ARHGAP32: variants seen among roughly 807,000 people sequenced by gnomAD.
The protein encoded by ARHGAP32 is Rho GTPase activating protein 32, also known as rho GTPase-activating protein 32.
ARHGAP32 carries 51 observed loss-of-function variants against 186.5 expected under a neutral mutation model. The ratio of observed to expected loss-of-function variants is 0.27; its 90% CI spans 0.22 to 0.35. The LOEUF is 0.35. ARHGAP32 is among the 10% of genes least tolerant of loss of function. The pLI is 1.00. For synonymous variants in ARHGAP32, 950 were observed against 964.3 expected (o/e 0.99, Z 0.27); for missense variants, 2,186 against 2,623.5 (o/e 0.83, Z 3.64).
At chr11:129,066,094 G>A (rs571859566) in intron 7 of ARHGAP32, among the ~76,000 whole-genome samples, 4 of 152,154 alleles carry the variant, frequency 2.6e-5, no homozygotes, top group South Asian at 4.1e-4. Flanking sequence ...ATCATCCTTC[G>A]AAAAGCCTTG....
At chr11:129,021,050 T>C (rs1340807897) in intron 11 of ARHGAP32, among the ~76,000 whole-genome samples, 2 of 152,068 alleles carry the variant, frequency 1.3e-5, no homozygotes, top group African/African-American at 4.8e-5. Context: ...TTCATATACA[T>C]GCAAGGCCAC....
At chr11:129,084,647 G>A (rs1941324274) in intron 6 of ARHGAP32, among the ~76,000 whole-genome samples, 1 of 151,932 alleles carries the variant, frequency 6.6e-6, no homozygotes, top group South Asian at 2.1e-4. Context: ...AGAAATAAAG[G>A]GAACTTCCAT....
chr11:129,139,184 G>A (rs1256473614), intron 2 of ARHGAP32, among the ~76,000 whole-genome samples: 2 of 152,028 alleles, frequency 1.3e-5, no homozygotes, highest in Non-Finnish European at 2.9e-5. Context: ...ATATTAATTA[G>A]TTAAGTAATT....
chr11:129,087,967 A>G (rs1389103756), intron 6 of ARHGAP32, among the ~76,000 whole-genome samples: 2 of 152,258 alleles, frequency 1.3e-5, no homozygotes, highest in African/African-American at 4.8e-5. Flanking sequence ...ACTCAAAAAA[A>G]TAAGTGTCAA....
chr11:129,174,674 AG>A (rs1415892293), intron 1 of ARHGAP32, among the ~76,000 whole-genome samples: 5 of 152,180 alleles, frequency 3.3e-5, no homozygotes, highest in African/African-American at 9.7e-5. Flanking sequence ...ACCCCCAAGC[AG>A]GGGCAGTCTG....
chr11:129,219,885 C>G (rs967428846), intron 1 of ARHGAP32, among the ~76,000 whole-genome samples: 1 of 151,974 alleles, frequency 6.6e-6, no homozygotes, highest in Non-Finnish European at 1.5e-5. Flanking sequence ...AATGTTCATT[C>G]TCAATCCCAC....
intron 1 of ARHGAP32, among the ~76,000 whole-genome samples, chr11:129,181,057 C>T (rs1319947156): frequency 6.6e-6 from 1 of 152,154 alleles, no homozygotes; most frequent in Non-Finnish European, 1.5e-5. Flanking sequence ...AGGAACTGCA[C>T]CTCAGGGACT....
intron 1 of ARHGAP32, among the ~76,000 whole-genome samples, chr11:129,198,112 C>T (rs1442870683): frequency 1.3e-5 from 2 of 152,134 alleles, no homozygotes; most frequent in Non-Finnish European, 2.9e-5. Context: ...TCACTAAACA[C>T]ATGTATTCAA....
In ARHGAP32 at chr11:129,160,862, C is replaced by CA. The variant is rs553887977; in HGVS notation, c.225+3456dup. On this transcript the variant is annotated intron_variant, in intron 2 of 22. Transcript: ENST00000682385. ...CCTGCATAGCCAAGATAATCCTAAG[C>CA]AAAAAGAACAAAGCTGGAGGCATCA... is the stretch of plus-strand genomic sequence containing the variant. 5.7e-3 allele frequency among the ~76,000 whole-genome samples: 873 copies of CA among 152,192 alleles called. 5 individuals are homozygous for CA. The highest frequency in any genetic ancestry group is 0.019 in the African/African-American group (807 of 41,508).
chr11:129,144,555 CT>C (rs1214069155), intron 2 of ARHGAP32, among the ~76,000 whole-genome samples: 2 of 152,170 alleles, frequency 1.3e-5, no homozygotes, highest in Non-Finnish European at 2.9e-5. Flanking sequence ...GGAACACATC[CT>C]CCCATGTGTT....
chr11:128,997,047 G>A (rs1305534043), intron 12 of ARHGAP32, among the ~76,000 whole-genome samples: 2 of 152,090 alleles, frequency 1.3e-5, no homozygotes, highest in African/African-American at 4.8e-5. Flanking sequence ...CCAAAGTGCT[G>A]GGATTGCAGA....
At chr11:129,088,528 C>T (rs1941477064) in intron 6 of ARHGAP32, among the ~76,000 whole-genome samples, 1 of 151,694 alleles carries the variant, frequency 6.6e-6, no homozygotes, top group Admixed American at 6.6e-5. Flanking sequence ...TGCAGTGAGC[C>T]GAGATCACAC....
At chr11:129,009,662 T>A (rs1937971665) in intron 11 of ARHGAP32, among the ~76,000 whole-genome samples, 1 of 152,178 alleles carries the variant, frequency 6.6e-6, no homozygotes, top group Admixed American at 6.5e-5. Flanking sequence ...GCAAAGGACA[T>A]AATCTTGTTC....
chr11:129,045,868 G>C (rs1939785098), intron 10 of ARHGAP32, among the ~76,000 whole-genome samples: 1 of 152,152 alleles, frequency 6.6e-6, no homozygotes, highest in Non-Finnish European at 1.5e-5. Flanking sequence ...TGACGGTAAA[G>C]AAGTAGGTAA....
upstream of ARHGAP32, among the ~76,000 whole-genome samples, chr11:129,193,625 A>ACATATAT: frequency 1.3e-5 from 1 of 74,816 alleles, no homozygotes; most frequent in South Asian, 3.0e-4. Flanking sequence ...ATGTTATATA[A>ACATATAT]TATATATAAT....
rs139373466 is a variant in ARHGAP32 at position 128,970,687 on chromosome 11, T to C, written c.4526A>G (p.Asn1509Ser). Residue 1509 changes from asparagine to serine, a missense_variant, in exon 23 of 23, where the codon AAT becomes AGT. Transcript: ENST00000682385. This position sits in a 1 kb window ranked among gnomAD's most constrained non-coding sequence, Gnocchi z 5.8. ...PFGPDNCLHF[N>S]MTPNCQYRPQ... is the part of the protein sequence containing the mutation. ...ACGGTACTGGCAGTTTGGAGTCATA[T>C]TGAAATGCAAACAGTTATCTGGACC... The C allele has an allele frequency of 3.5e-5, 56 of 1,614,104 alleles. No individual in the cohort carries two copies. Among genetic ancestry groups the C allele is most frequent in the African/African-American group, 1.2e-4 (9 of 75,004 alleles).
At chr11:128,987,998 G>A (rs1565359202) in intron 13 of ARHGAP32, 25 bp downstream of exon 13, 1 of 1,513,612 alleles carries the variant, frequency 6.6e-7, no homozygotes, top group South Asian at 1.1e-5. Context: ...AAGAAGGAGT[G>A]AAAAAGTGCC....
intron 12 of ARHGAP32, among the ~76,000 whole-genome samples, chr11:128,992,500 C>T (rs1043485623): frequency 2.6e-5 from 4 of 151,898 alleles, no homozygotes; most frequent in Admixed American, 6.6e-5. Context: ...AAGTAGGCTG[C>T]GGGCAGTGGC....
chr11:129,092,666 C>T (rs1057124202), intron 6 of ARHGAP32, among the ~76,000 whole-genome samples: 5 of 151,926 alleles, frequency 3.3e-5, no homozygotes, highest in Admixed American at 6.6e-5. Context: ...TAAAAAGAAA[C>T]GCACTTAATT....
Sources: gnomAD v4.1 joint callset for allele counts (sites outside exome capture counted in the v4.1 genomes callset) on GRCh38, gnomAD v4.1.1 for gene constraint, Gnocchi (gnomAD v3.1) non-coding constraint, MANE v1.5 for transcripts, NCBI Gene and HGNC (gene_info 2026-07-23, HGNC 2026-07-21) for gene names.